The following MOB3B variants were observed in gnomAD, a reference collection of about 807,000 sequenced individuals.
The protein encoded by MOB3B is MOB kinase activator-like 2B.
MOB3B carries 7 observed loss-of-function variants against 18.7 expected under a neutral mutation model. That is an observed-to-expected ratio of 0.37 (90% CI 0.21 to 0.70). The LOEUF (loss-of-function observed/expected upper bound fraction) is 0.70, where lower values mean the gene tolerates loss of function less well. Ranked by LOEUF, MOB3B falls within the 30% of genes least tolerant of loss-of-function variation. The probability of loss-of-function intolerance (pLI) is 0.52; values close to 1 mark genes in which losing one functional copy is unlikely to be tolerated. For synonymous variants in MOB3B, 111 were observed against 99.9 expected, an observed-to-expected ratio of 1.11 and a Z score of -0.66; for missense variants, 253 against 281.3, an observed-to-expected ratio of 0.90 and a Z score of 0.72.
intron 2 of MOB3B, among the ~76,000 whole-genome samples, chr9:27,422,642 A>G (rs1822271841): frequency 6.6e-6 from 1 of 152,226 alleles, no homozygotes; most frequent in South Asian, 2.1e-4. Flanking sequence ...TTTGTATGAC[A>G]CTTTTCATGA....
chr9:27,409,738 G>A (rs896541988), intron 2 of MOB3B, among the ~76,000 whole-genome samples: 2 of 152,086 alleles, frequency 1.3e-5, no homozygotes, highest in Non-Finnish European at 2.9e-5. Context: ...TATATAAAAT[G>A]AAATATTAAT....
At chr9:27,522,928 T>TA (rs59445358) in intron 1 of MOB3B, among the ~76,000 whole-genome samples, 8,034 of 142,914 alleles carry the variant, frequency 0.056, 343 homozygotes, top group African/African-American at 0.12. Flanking sequence ...TATATATATA[T>TA]TTTTTTCCGT....
chr9:27,433,427 G>T (rs1027633217), intron 2 of MOB3B, among the ~76,000 whole-genome samples: 1 of 152,146 alleles, frequency 6.6e-6, no homozygotes, highest in Non-Finnish European at 1.5e-5. Flanking sequence ...AGGTGAAACT[G>T]CTGTCAGATG....
intron 1 of MOB3B, chr9:27,526,587 G>A (rs181819683): frequency 3.5e-4 from 53 of 152,356 alleles, no homozygotes; most frequent in African/African-American, 1.3e-3. Flanking sequence ...GAATGGCTGA[G>A]AAAGCCGAGC....
intron 2 of MOB3B, chr9:27,394,005 C>T (rs1821765684): frequency 6.6e-6 from 1 of 152,154 alleles, no homozygotes; most frequent in Admixed American, 6.5e-5. Context: ...AGCTTTGGCT[C>T]ATATTCTAAC....
At chr9:27,335,401 G>A (rs960971146) in intron 3 of MOB3B, among the ~76,000 whole-genome samples, 1 of 152,200 alleles carries the variant, frequency 6.6e-6, no homozygotes, top group African/African-American at 2.4e-5. Flanking sequence ...CTGCTGGCCT[G>A]TGGGCTCTCT....
At chr9:27,338,266 G>C (rs1007661810) in intron 3 of MOB3B, among the ~76,000 whole-genome samples, 2 of 152,084 alleles carry the variant, frequency 1.3e-5, no homozygotes, top group Non-Finnish European at 2.9e-5. Context: ...GTTTCCTCCA[G>C]AGCACTCCAG....
chr9:27,524,024 T>C (rs1820384713), intron 1 of MOB3B, among the ~76,000 whole-genome samples: 1 of 152,028 alleles, frequency 6.6e-6, no homozygotes, highest in East Asian at 1.9e-4. Flanking sequence ...TCAGTCTTGT[T>C]ATGATGATTC....
chr9:27,483,227 G>GGTTCACGCCATTCTCCCGC (rs1328532513), intron 1 of MOB3B, among the ~76,000 whole-genome samples: 2 of 146,928 alleles, frequency 1.4e-5, no homozygotes, highest in African/African-American at 5.1e-5. Context: ...CCGCCTCCCG[G>GGTTCACGCCATTCTCCCGC]GTTCACGCCA....
intron 2 of MOB3B, among the ~76,000 whole-genome samples, chr9:27,408,038 G>A (rs1159321560): frequency 2.6e-5 from 4 of 152,148 alleles, no homozygotes; most frequent in African/African-American, 7.2e-5. Flanking sequence ...CACTGAGCCC[G>A]ATGCTTGGGA....
chr9:27,472,504 G>A (rs1294583913), intron 1 of MOB3B, among the ~76,000 whole-genome samples: 2 of 151,886 alleles, frequency 1.3e-5, no homozygotes, highest in Non-Finnish European at 1.5e-5. Context: ...TCATCAATAC[G>A]TCTTGTTAGG....
rs1327448795 is a variant in MOB3B, at chr9:27,327,401, G to A, written c.*3186C>T. 1.3e-5 allele frequency: 2 copies of A among 151,996 alleles called. No homozygotes were observed. Among genetic ancestry groups the A allele is most frequent in the African/African-American group, 4.8e-5 (2 of 41,380 alleles). The allele number at this position is 151,996 out of a possible 1,614,324, so 9.4% of individuals were successfully genotyped here. A position where few individuals can be genotyped will look rare whatever the true frequency, so the allele number is the denominator to read the frequency against. ...CTTCCTGAGGTGAGGCAGTAGTAAGGAAACAACATCACACATGTAGCAGTC... is the reference window on the plus strand; with the variant it reads ...CTTCCTGAGGTGAGGCAGTAGTAAGAAAACAACATCACACATGTAGCAGTC... On this transcript the variant is annotated 3_prime_UTR_variant, in exon 4 of 4. Coordinates refer to ENST00000262244, the MANE Select transcript of MOB3B (RefSeq NM_024761.5).
chr9:27,502,530 A>G (rs1340501375), intron 1 of MOB3B, among the ~76,000 whole-genome samples: 2 of 152,236 alleles, frequency 1.3e-5, no homozygotes, highest in Non-Finnish European at 2.9e-5. Context: ...AACACCCATC[A>G]GCCAACTGAG....
intron 1 of MOB3B, among the ~76,000 whole-genome samples, chr9:27,478,353 T>C (rs771869911): frequency 4.6e-5 from 7 of 152,062 alleles, no homozygotes; most frequent in Non-Finnish European, 8.8e-5. Flanking sequence ...GAACTTACAG[T>C]AAGAGAATAA....
chr9:27,337,321 AT>A (rs1191095552), intron 3 of MOB3B, among the ~76,000 whole-genome samples: 1 of 152,196 alleles, frequency 6.6e-6, no homozygotes, highest in Admixed American at 6.5e-5. Flanking sequence ...CCCATATTTC[AT>A]TAGTTTCTTC....
At chr9:27,473,045 G>A (rs1311513450) in intron 1 of MOB3B, among the ~76,000 whole-genome samples, 1 of 152,184 alleles carries the variant, frequency 6.6e-6, no homozygotes, top group Non-Finnish European at 1.5e-5. Context: ...GAGATTTTAA[G>A]TGATTACACA....
intron 3 of MOB3B, among the ~76,000 whole-genome samples, chr9:27,334,666 G>A (rs1820836691): frequency 6.6e-6 from 1 of 152,152 alleles, no homozygotes; most frequent in Admixed American, 6.5e-5. Flanking sequence ...TTTTATAACT[G>A]GTAGTCAGTG....
chr9:27,380,269 T>TC, intron 2 of MOB3B, among the ~76,000 whole-genome samples: 1 of 151,310 alleles, frequency 6.6e-6, no homozygotes, highest in East Asian at 1.9e-4. Context: ...AGGATTTTTT[T>TC]TTTTTTTTTT....
At chr9:27,394,913 T>G (rs1821778245) in intron 2 of MOB3B, among the ~76,000 whole-genome samples, 1 of 152,230 alleles carries the variant, frequency 6.6e-6, no homozygotes, top group Admixed American at 6.5e-5. Flanking sequence ...GCTTTGACAG[T>G]GAGATGTCTC....
Sources: allele counts gnomAD v4.1 joint callset (sites outside exome capture counted in the v4.1 genomes callset), GRCh38; gene constraint gnomAD v4.1.1; transcripts MANE v1.5; gene names NCBI Gene and HGNC (gene_info 2026-07-23, HGNC 2026-07-21).